Variants in GUCY1A2 observed in about 807,000 individuals in gnomAD.
The protein encoded by GUCY1A2 is guanylate cyclase soluble subunit alpha-2.
GUCY1A2 carries 27 observed loss-of-function variants against 63.5 expected under a neutral mutation model. That is an observed-to-expected ratio of 0.43 (90% confidence interval 0.31 to 0.59). The LOEUF (loss-of-function observed/expected upper bound fraction) is 0.59, where lower values mean the gene tolerates loss of function less well. Among genes scored for constraint, GUCY1A2 ranks in the 20% least tolerant of loss-of-function variants. The probability of loss-of-function intolerance (pLI) is 0.11; values close to 1 mark genes in which losing one functional copy is unlikely to be tolerated. For missense variants in GUCY1A2, 768 were observed against 913.3 expected (o/e 0.84, Z 2.05); for synonymous variants, 364 against 343.5 (o/e 1.06, Z -0.66).
chr11:106,983,945 TA>T (rs1489421270), intron 2 of GUCY1A2, among the ~76,000 whole-genome samples: 1 of 152,202 alleles, frequency 6.6e-6, no homozygotes, highest in Non-Finnish European at 1.5e-5. Flanking sequence ...CATACAGCTG[TA>T]AACACTTTTT....
intron 4 of GUCY1A2, among the ~76,000 whole-genome samples, chr11:106,822,149 T>C (rs996187964): frequency 1.3e-5 from 2 of 152,204 alleles, no homozygotes; most frequent in Non-Finnish European, 2.9e-5. Context: ...AACAGTTGCT[T>C]AGTCTATGGC....
chr11:106,988,798 T>C (rs760190142), intron 1 of GUCY1A2, among the ~76,000 whole-genome samples: 1 of 152,216 alleles, frequency 6.6e-6, no homozygotes, highest in Non-Finnish European at 1.5e-5. Context: ...AACACAGCCC[T>C]GGCCCCTCCG....
chr11:106,809,908 C>CA lies in GUCY1A2; in HGVS notation c.1692+84dup. 3 of 853,848 alleles carry CA rather than the reference C, an allele frequency of 3.5e-6. No individual in the cohort carries two copies. The South Asian group carries it at 6.1e-5, about 17-fold the overall frequency. 52.9% of individuals were successfully genotyped at this position (853,848 alleles called of 1,614,324 possible). ...TAAAGAGTTGTCAATTATTTAGTATCAAGTTTAAGTAAAAAAATCAATTTA... is the reference window on the plus strand; with the variant it reads ...TAAAGAGTTGTCAATTATTTAGTATCAAAGTTTAAGTAAAAAAATCAATTTA... On this transcript the variant is annotated intron_variant, in intron 5 of 7. Transcript: ENST00000526355.
Position 106,823,928 on chromosome 11 carries a change from C to T in GUCY1A2, c.1207-13450G>A, listed in dbSNP as rs572299648. The T allele has an allele frequency of 7.2e-4, 292 of 403,810 alleles. 1 individual carries two copies. The highest frequency in any genetic ancestry group is 3.4e-3 in the South Asian group (54 of 16,020). The allele number at this position is 403,810 out of a possible 1,614,324, so 25.0% of individuals were successfully genotyped here. A position where few individuals can be genotyped will look rare whatever the true frequency, so the allele number is the denominator to read the frequency against. The stretch of plus-strand genomic sequence containing the variant: ...TTTTTTTCTTTAAAGGCTTTATTTG[C>T]ATTCTTGTAAATTTTATTATTTCAA... On this transcript the variant is annotated intron_variant, in intron 4 of 7. Coordinates refer to ENST00000526355, the MANE Select transcript of GUCY1A2 (RefSeq NM_000855.3).
Position 106,681,851 on chromosome 11 carries a change from C to T in GUCY1A2, c.*5698G>A, listed in dbSNP as rs1470935372. The T allele has an allele frequency of 4.6e-6, 1 of 215,564 alleles. No homozygotes were observed. Among genetic ancestry groups the T allele is most frequent in the Non-Finnish European group, 9.3e-6 (1 of 107,048 alleles). 13.4% of individuals were successfully genotyped at this position (215,564 alleles called of 1,614,324 possible). On this transcript the variant is annotated 3_prime_UTR_variant, in exon 8 of 8. Transcript: ENST00000526355. Reference sequence around the variant, plus strand: ...ACGGTATTGCTTGGAAATCAGTTTTCAGATAATGTACAATTCAATATGAAA... The same window carrying T: ...ACGGTATTGCTTGGAAATCAGTTTTTAGATAATGTACAATTCAATATGAAA...
intron 4 of GUCY1A2, among the ~76,000 whole-genome samples, chr11:106,883,165 C>T (rs1859849870): frequency 6.6e-6 from 1 of 152,012 alleles, no homozygotes; most frequent in Admixed American, 6.6e-5. Context: ...CTTTCCTCTG[C>T]CCGCAATTGC....
chr11:106,773,676 CTGTCAGACTTTCAAAGT>C (rs1864298585), intron 6 of GUCY1A2, among the ~76,000 whole-genome samples: 1 of 152,194 alleles, frequency 6.6e-6, no homozygotes, highest in Non-Finnish European at 1.5e-5. Context: ...AACAGTGGCA[CTGTCAGACTTTCAAAGT>C]TGTGTCAAAC....
chr11:106,686,822 G>T lies in GUCY1A2; in HGVS notation c.*727C>A. ...ATCTAAAAGATATATTTACTAAGCA[G>T]ACATATAATGCTTTCTTGGTATCTG... On this transcript the variant is annotated 3_prime_UTR_variant, in exon 8 of 8. Transcript: ENST00000526355. 1 of 196,952 alleles carries T rather than the reference G, an allele frequency of 5.1e-6. No individual in the cohort carries two copies. The highest frequency in any genetic ancestry group is 1.1e-5 in the Non-Finnish European group (1 of 94,984). 12.2% of individuals were successfully genotyped at this position (196,952 alleles called of 1,614,324 possible). A position where few individuals can be genotyped will look rare whatever the true frequency, so the allele number is the denominator to read the frequency against.
chr11:106,906,562 T>C (rs1310902867), intron 4 of GUCY1A2, among the ~76,000 whole-genome samples: 1 of 152,124 alleles, frequency 6.6e-6, no homozygotes, highest in Non-Finnish European at 1.5e-5. Context: ...GAAATACCAT[T>C]TGACCCAGAA....
Position 106,982,294 on chromosome 11 carries a change from T to G in GUCY1A2, c.366-3554A>C, listed in dbSNP as rs139152922. Among the ~76,000 whole-genome samples, 49 of 152,276 alleles carry G rather than the reference T, an allele frequency of 3.2e-4. No individual in the cohort carries two copies. The East Asian group carries it at 8.7e-3, about 27-fold the overall frequency. ...ATTATAAACAGACATTCCTCTATCC[T>G]CAGTTGCTTTTAATTTCTAAAGTGA... On this transcript the variant is annotated intron_variant, in intron 2 of 7. Coordinates refer to ENST00000526355, the MANE Select transcript of GUCY1A2 (RefSeq NM_000855.3).
intron 3 of GUCY1A2, among the ~76,000 whole-genome samples, chr11:106,974,552 A>G (rs1269412226): frequency 6.6e-6 from 1 of 152,094 alleles, no homozygotes; most frequent in African/African-American, 2.4e-5. Context: ...CCAGCTAAAG[A>G]TTGTGGAATC....
intron 6 of GUCY1A2, among the ~76,000 whole-genome samples, chr11:106,735,982 G>T (rs928482219): frequency 6.6e-6 from 1 of 151,748 alleles, no homozygotes; most frequent in Admixed American, 6.6e-5. Flanking sequence ...CAAATTATTA[G>T]TTTTTTTTCC....
Position 106,776,426 on chromosome 11 carries a change from T to C in GUCY1A2, c.1836+13A>G. 1 of 1,533,690 alleles carries C rather than the reference T, an allele frequency of 6.5e-7. No individual in the cohort carries two copies. Among genetic ancestry groups the C allele is most frequent in the Non-Finnish European group, 9.0e-7 (1 of 1,115,340 alleles). The stretch of plus-strand genomic sequence containing the variant: ...TGCACTTACTACTCAAACTAGATTG[T>C]TGGGAGGGTTACCTGAATCGGTCTT... On this transcript the variant is annotated intron_variant, in intron 6 of 7. Transcript: ENST00000526355.
At chr11:106,965,651 T>C (rs1861118134) in intron 3 of GUCY1A2, among the ~76,000 whole-genome samples, 2 of 152,192 alleles carry the variant, frequency 1.3e-5, no homozygotes, top group Admixed American at 6.5e-5. Context: ...TTAGCTTCTA[T>C]GCTGACAGAG....
chr11:106,822,741 T>C (rs1858919668), intron 4 of GUCY1A2, among the ~76,000 whole-genome samples: 1 of 152,216 alleles, frequency 6.6e-6, no homozygotes, highest in South Asian at 2.1e-4. Flanking sequence ...AGAATATTTT[T>C]TAACTCCTGT....
rs190265011 is a variant in GUCY1A2 at position 106,983,444 on chromosome 11, G to A, written c.365+2626C>T. Among the ~76,000 whole-genome samples the A allele has an allele frequency of 1.5e-3, 231 of 152,262 alleles. 1 individual carries two copies. Among genetic ancestry groups the A allele is most frequent in the African/African-American group, 5.3e-3 (222 of 41,560 alleles). On this transcript the variant is annotated intron_variant, in intron 2 of 7. Coordinates refer to ENST00000526355, the MANE Select transcript of GUCY1A2 (RefSeq NM_000855.3). Reference sequence around the variant, plus strand: ...CCAGTCCTTCTGTCTGTGACCCTTCGAAACAGCTGCTCTCCGCGTTGAAGT... The same window carrying A: ...CCAGTCCTTCTGTCTGTGACCCTTCAAAACAGCTGCTCTCCGCGTTGAAGT...
intron 1 of GUCY1A2, among the ~76,000 whole-genome samples, chr11:107,003,388 C>CA (rs774917270): frequency 5.9e-5 from 9 of 152,044 alleles, no homozygotes; most frequent in Non-Finnish European, 1.2e-4. Flanking sequence ...TACAAACACA[C>CA]AAAAAAATCC....
intron 6 of GUCY1A2, among the ~76,000 whole-genome samples, chr11:106,732,614 AC>A (rs1264452896): frequency 6.6e-6 from 1 of 152,010 alleles, no homozygotes; most frequent in Non-Finnish European, 1.5e-5. Context: ...TTGAAATAAA[AC>A]AAAACAAAAT....
At chr11:106,723,959 T>TA (rs1452564324) in intron 6 of GUCY1A2, among the ~76,000 whole-genome samples, 2 of 152,254 alleles carry the variant, frequency 1.3e-5, no homozygotes, top group East Asian at 1.9e-4. Flanking sequence ...GGGAGTTTCT[T>TA]AAAAAATGAA....
Sources: gnomAD v4.1 joint callset for allele counts (sites outside exome capture counted in the v4.1 genomes callset) on GRCh38, gnomAD v4.1.1 for gene constraint, MANE v1.5 for transcripts, NCBI Gene and HGNC (gene_info 2026-07-23, HGNC 2026-07-21) for gene names.